LNX1: variants seen among roughly 807,000 people sequenced by gnomAD.
LNX1 encodes the protein E3 ubiquitin-protein ligase LNX.
LNX1 carries 54 observed loss-of-function variants against 68.4 expected under a neutral mutation model. The ratio of observed to expected loss-of-function variants is 0.79; its 90% CI spans 0.63 to 0.99. LNX1 has a LOEUF of 0.99. LNX1 is among the 50% of genes least tolerant of loss of function. The probability of loss-of-function intolerance (pLI) is 0.00; values close to 1 mark genes in which losing one functional copy is unlikely to be tolerated. For missense variants in LNX1, 906 were observed against 926.4 expected (o/e 0.98, Z 0.29); for synonymous variants, 336 against 350.0 (o/e 0.96, Z 0.45).
At chr4:53,595,563 G>A (rs1732711570), upstream of LNX1, among the ~76,000 whole-genome samples, 1 of 152,200 alleles carries the variant, frequency 6.6e-6, no homozygotes, top group Admixed American at 6.5e-5. Flanking sequence ...CTCTTTTGCA[G>A]TCAACATATC....
chr4:53,549,436 A>G (rs1729341803), intron 2 of LNX1: 1 of 149,830 alleles, frequency 6.7e-6, no homozygotes, highest in South Asian at 2.1e-4. Context: ...TCGGCGGAGA[A>G]TGAAGAACGG....
At chr4:53,479,927 G>C (rs1039837535) in intron 7 of LNX1, among the ~76,000 whole-genome samples, 2 of 152,162 alleles carry the variant, frequency 1.3e-5, no homozygotes. Context: ...GCACTTAGTC[G>C]CTCTATGACT....
intron 2 of LNX1, 158 bp from the exon 3 acceptor site, chr4:53,508,385 C>A (rs1336611222): frequency 2.3e-6 from 2 of 874,388 alleles, no homozygotes; most frequent in Non-Finnish European, 3.4e-6. Flanking sequence ...TTTCACACAT[C>A]GGTACTCAAT....
At chr4:53,588,298 T>A (rs1732299026) in intron 1 of LNX1, among the ~76,000 whole-genome samples, 1 of 152,220 alleles carries the variant, frequency 6.6e-6, no homozygotes, top group Non-Finnish European at 1.5e-5. Context: ...CTATCAACTA[T>A]GCCTTCCTTT....
chr4:53,650,906 A>T (rs1264237751), intron 1 of LNX1, among the ~76,000 whole-genome samples: 3 of 152,158 alleles, frequency 2.0e-5, no homozygotes, highest in Non-Finnish European at 4.4e-5. Context: ...TCATCACAAT[A>T]GTTAGTATTA....
chr4:53,474,456 C>A (rs974313474), intron 9 of LNX1, among the ~76,000 whole-genome samples: 1 of 152,186 alleles, frequency 6.6e-6, no homozygotes, highest in Non-Finnish European at 1.5e-5. Flanking sequence ...CTGCGTGGCC[C>A]TCAAAGCCTA....
At chr4:53,467,078 C>T (rs1722744363) in intron 9 of LNX1, among the ~76,000 whole-genome samples, 1 of 152,188 alleles carries the variant, frequency 6.6e-6, no homozygotes, top group Non-Finnish European at 1.5e-5. Flanking sequence ...AGTAGCCTAA[C>T]TGGGAGGCAC....
chr4:53,635,538 ATAT>A (rs1214979462), intron 1 of LNX1, among the ~76,000 whole-genome samples: 7 of 152,140 alleles, frequency 4.6e-5, no homozygotes, highest in African/African-American at 1.7e-4. Flanking sequence ...AATTATTTTA[ATAT>A]TATTATAAAG....
intron 8 of LNX1, among the ~76,000 whole-genome samples, chr4:53,477,746 T>A (rs1377111257): frequency 1.3e-5 from 2 of 152,180 alleles, no homozygotes; most frequent in Non-Finnish European, 2.9e-5. Context: ...CTTAACTTTC[T>A]TATACAGAAT....
intron 4 of LNX1, among the ~76,000 whole-genome samples, chr4:53,503,151 C>T (rs888182248): frequency 6.6e-6 from 1 of 152,142 alleles, no homozygotes; most frequent in African/African-American, 2.4e-5. Context: ...AAGTCTTGAA[C>T]CCCTCAAAGT....
chr4:53,531,036 G>T (rs1727983967), intron 2 of LNX1, among the ~76,000 whole-genome samples: 1 of 152,194 alleles, frequency 6.6e-6, no homozygotes, highest in African/African-American at 2.4e-5. Context: ...GTGGTGGTGT[G>T]TGCCTATGGT....
chr4:53,485,240 C>T (rs1724206377), intron 6 of LNX1, among the ~76,000 whole-genome samples: 1 of 152,178 alleles, frequency 6.6e-6, no homozygotes, highest in Non-Finnish European at 1.5e-5. Flanking sequence ...AATTACTGAG[C>T]TCGAATTTGC....
At chr4:53,579,626 T>C (rs1451547780) in intron 1 of LNX1, among the ~76,000 whole-genome samples, 1 of 152,196 alleles carries the variant, frequency 6.6e-6, no homozygotes, top group Non-Finnish European at 1.5e-5. Flanking sequence ...GTGTGTCTAC[T>C]GTCAACGCAC....
chr4:53,614,821 A>G (rs2668557), intron 2 of LNX1, among the ~76,000 whole-genome samples: 114,944 of 151,504 alleles, frequency 0.76, 43,938 homozygotes, highest in East Asian at 0.9. Context: ...CCTCCTGGTC[A>G]TGGAGCAATT....
At position 53,459,532 on chromosome 4, in the gene LNX1, A is replaced by G. The variant is rs763980669; in HGVS notation, c.*1375T>C. The G allele has an allele frequency of 2.5e-6, 4 of 1,575,650 alleles. No homozygotes were observed. Among genetic ancestry groups the G allele is most frequent in the South Asian group, 1.1e-5 (1 of 87,658 alleles). On this transcript the variant is annotated 3_prime_UTR_variant, in exon 11 of 11. Coordinates refer to ENST00000263925, the MANE Select transcript of LNX1 (RefSeq NM_001126328.3). ...TATTTTTCTGGATAATGTTTAAGAAATTTACCTTAAATCTTGTTCTGTTTG... is the reference window on the plus strand; with the variant it reads ...TATTTTTCTGGATAATGTTTAAGAAGTTTACCTTAAATCTTGTTCTGTTTG...
chr4:53,499,355 T>C (rs1351435147), intron 4 of LNX1, among the ~76,000 whole-genome samples: 1 of 152,064 alleles, frequency 6.6e-6, no homozygotes, highest in African/African-American at 2.4e-5. Flanking sequence ...GACGGAGTTT[T>C]GTCATGTTGT....
chr4:53,501,171 T>C (rs1434913457), intron 4 of LNX1, among the ~76,000 whole-genome samples: 1 of 152,186 alleles, frequency 6.6e-6, no homozygotes, highest in African/African-American at 2.4e-5. Flanking sequence ...GACTAAAGGA[T>C]ATAATCTTAT....
chr4:53,527,840 T>C (rs1222550196), intron 2 of LNX1, among the ~76,000 whole-genome samples: 1 of 152,214 alleles, frequency 6.6e-6, no homozygotes, highest in African/African-American at 2.4e-5. Flanking sequence ...CCCTGACAGA[T>C]TCAGTATCTT....
In LNX1 at chr4:53,476,799, G is replaced by A; in HGVS notation, c.1846C>T (p.Pro616Ser). 9 of 1,614,184 alleles carry A rather than the reference G, an allele frequency of 5.6e-6. No homozygotes were observed. Among genetic ancestry groups the A allele is most frequent in the Non-Finnish European group, 6.8e-6 (8 of 1,180,024 alleles). ...ACCCAGGATGGGGACCAGTCACTGG[G>A]TGGGGCCATGTTGTGGTTGGAGTCC... ...ALDSNHNMAPPSDWSPSWVMW... is the reference protein window; with the variant it reads ...ALDSNHNMAPSSDWSPSWVMW... Residue 616 changes from proline to serine, a missense_variant, in exon 9 of 11, where the codon CCC becomes TCC. By Grantham distance (74) the Pro-to-Ser change is moderately conservative. Transcript: ENST00000263925.
Sources: gnomAD v4.1 joint callset for allele counts (sites outside exome capture counted in the v4.1 genomes callset) on GRCh38, gnomAD v4.1.1 for gene constraint, MANE v1.5 for transcripts, NCBI Gene and HGNC (gene_info 2026-07-23, HGNC 2026-07-21) for gene names.